Variants in SDK2 observed in about 807,000 individuals in gnomAD.
The protein encoded by SDK2 is protein sidekick-2.
A neutral mutation model predicts 253.9 loss-of-function variants in SDK2; 105 were observed. That is an observed-to-expected ratio of 0.41 (90% CI 0.35 to 0.49). The LOEUF (loss-of-function observed/expected upper bound fraction) is 0.49. Among genes scored for constraint, SDK2 ranks in the 20% least tolerant of loss-of-function variants. SDK2 has a pLI of 0.06. For synonymous variants in SDK2, 1,249 were observed against 1,234.9 expected (o/e 1.01, Z -0.24); for missense variants, 2,608 against 3,003.0 (o/e 0.87, Z 3.07).
At position 73,618,115 on chromosome 17, in the gene SDK2, A is replaced by G. The variant is rs576193511; in HGVS notation, c.64+25910T>C. 2.2e-4 allele frequency among the ~76,000 whole-genome samples: 34 copies of G among 152,304 alleles called. No individual in the cohort carries two copies. Among genetic ancestry groups the G allele is most frequent in the African/African-American group, 6.0e-4 (25 of 41,558 alleles). On this transcript the variant is annotated intron_variant, in intron 1 of 44. Coordinates refer to ENST00000392650, the MANE Select transcript of SDK2 (RefSeq NM_001144952.2). The surrounding 1 kb of genome is among the most constrained non-coding windows in gnomAD (Gnocchi z 4.1). ...GAGGTGCTTAATTTAATACCAGGCAAATGCAAGAGACCTTGAACCAATAGA... is the reference window on the plus strand; with the variant it reads ...GAGGTGCTTAATTTAATACCAGGCAGATGCAAGAGACCTTGAACCAATAGA...
chr17:73,365,145 G>T, intron 38 of SDK2, 113 bp downstream of exon 38: 1 of 739,100 alleles, frequency 1.4e-6, no homozygotes. Flanking sequence ...TTTATAAGAT[G>T]GGGAGACTCT....
intron 12 of SDK2, among the ~76,000 whole-genome samples, chr17:73,429,627 G>A (rs537372097): frequency 3.3e-5 from 5 of 152,364 alleles, no homozygotes; most frequent in Non-Finnish European, 7.3e-5. Context: ...GTGCAGGAGC[G>A]CCGGCCCCTT....
chr17:73,514,271 C>T (rs947249983), intron 1 of SDK2, among the ~76,000 whole-genome samples: 5 of 152,108 alleles, frequency 3.3e-5, no homozygotes, highest in Non-Finnish European at 5.9e-5. Flanking sequence ...GAGGCCTCAG[C>T]CCGGGGCTTC....
At position 73,609,172 on chromosome 17, in the gene SDK2, T is replaced by C. The variant is rs2045944317; in HGVS notation, c.64+34853A>G. Among the ~76,000 whole-genome samples, 1 of 151,848 alleles carries C rather than the reference T, an allele frequency of 6.6e-6. No homozygotes were observed. Among genetic ancestry groups the C allele is most frequent in the Admixed American group, 6.6e-5 (1 of 15,248 alleles). ...TGTGTGTTCAGTTGGGATGACTTGG[T>C]CATCAAAGTGAATGCAGTGTTGGAG... On this transcript the variant is annotated intron_variant, in intron 1 of 44. Coordinates refer to ENST00000392650, the MANE Select transcript of SDK2 (RefSeq NM_001144952.2). This position sits in a 1 kb window ranked among gnomAD's most constrained non-coding sequence, Gnocchi z 4.4.
chr17:73,622,367 C>T (rs907261187), intron 1 of SDK2, among the ~76,000 whole-genome samples: 3 of 152,220 alleles, frequency 2.0e-5, no homozygotes, highest in African/African-American at 4.8e-5. Context: ...TCCCCAAGCC[C>T]GATGCAGAGG....
Position 73,431,479 on chromosome 17 carries a change from G to T in SDK2, c.1480+23C>A. ...ACACACGCACACACAAATGTATAAA[G>T]CCCTGTGGCTCTGCACACTCACCCC... On this transcript the variant is annotated intron_variant, in intron 11 of 44. Transcript: ENST00000392650. This position sits in a 1 kb window ranked among gnomAD's most constrained non-coding sequence, Gnocchi z 5.6. 1 of 1,601,920 alleles carries T rather than the reference G, an allele frequency of 6.2e-7. No individual in the cohort carries two copies.
chr17:73,480,011 T>A (rs1324400488), intron 2 of SDK2, among the ~76,000 whole-genome samples: 1 of 152,216 alleles, frequency 6.6e-6, no homozygotes, highest in Non-Finnish European at 1.5e-5. Context: ...ATTTTCTTTA[T>A]CATCACCCAG....
rs780763384 is a variant in SDK2, at chr17:73,352,553, C to T, written c.5678G>A (p.Gly1893Asp). The T allele has an allele frequency of 2.2e-5, 35 of 1,613,954 alleles. No homozygotes were observed. Among genetic ancestry groups the T allele is most frequent in the Non-Finnish European group, 2.8e-5 (33 of 1,179,916 alleles). The change falls in exon 41 of 45, where the codon GGC (glycine) becomes GAC (aspartate). Residue 1893 changes from glycine to aspartate, a missense_variant. This residue lies in a region of SDK2 where 1,103 missense variants were observed against 1,143.9 expected (regional missense o/e 0.96). Transcript: ENST00000392650. This position sits in a 1 kb window ranked among gnomAD's most constrained non-coding sequence, Gnocchi z 4.1. ...GATGACCCGGAAGTCATAGCTCACG[C>T]CCGGCTTCAGGATGTCCATGCTGAA... ...YTFSMDILKP[G>D]VSYDFRVIAV...
intron 1 of SDK2, among the ~76,000 whole-genome samples, chr17:73,547,280 G>A (rs779401026): frequency 6.6e-6 from 1 of 152,240 alleles, no homozygotes; most frequent in Non-Finnish European, 1.5e-5. Flanking sequence ...GATGGGAGAG[G>A]GGAGCCTAAA....
intron 1 of SDK2, among the ~76,000 whole-genome samples, chr17:73,566,132 G>A (rs967837829): frequency 6.6e-6 from 1 of 152,254 alleles, no homozygotes; most frequent in Non-Finnish European, 1.5e-5. Context: ...AGAGCTGGTT[G>A]TTTAAAAGAG....
At chr17:73,625,707 C>T (rs2046192691) in intron 1 of SDK2, among the ~76,000 whole-genome samples, 1 of 152,036 alleles carries the variant, frequency 6.6e-6, no homozygotes, top group African/African-American at 2.4e-5. Flanking sequence ...TGCAGTGGTG[C>T]AATCTCGGCT....
At position 73,379,843 on chromosome 17, in the gene SDK2, C is replaced by T. The variant is rs1424808992; in HGVS notation, c.4763-294G>A. Among the ~76,000 whole-genome samples, 1 of 152,016 alleles carries T rather than the reference C, an allele frequency of 6.6e-6. No homozygotes were observed. The highest frequency in any genetic ancestry group is 1.5e-5 in the Non-Finnish European group (1 of 67,996). On this transcript the variant is annotated intron_variant, in intron 34 of 44. Transcript: ENST00000392650. This position sits in a 1 kb window ranked among gnomAD's most constrained non-coding sequence, Gnocchi z 4.5. Reference sequence around the variant, plus strand: ...ACCACTATGAATATTTACACCGGGACAACCAGTGTAAACCAAAGCTGTCCT... The same window carrying T: ...ACCACTATGAATATTTACACCGGGATAACCAGTGTAAACCAAAGCTGTCCT...
At chr17:73,421,105 T>G (rs1363621118) in intron 15 of SDK2, among the ~76,000 whole-genome samples, 5 of 152,238 alleles carry the variant, frequency 3.3e-5, no homozygotes, top group African/African-American at 1.2e-4. Flanking sequence ...TTGTTGGGAT[T>G]GTGTATCTCC....
chr17:73,500,672 A>ATCCATCCTCCCTCCATTCTCC (rs2063883484), intron 2 of SDK2, among the ~76,000 whole-genome samples: 4 of 78,422 alleles, frequency 5.1e-5, no homozygotes, highest in African/African-American at 2.1e-4. Context: ...CATCTCCTCC[A>ATCCATCCTCCCTCCATTCTCC]TCCATCCTCC....
Position 73,383,948 on chromosome 17 carries a change from G to C in SDK2, c.4633C>G (p.Leu1545Val), listed in dbSNP as rs2270716. The change falls in exon 33 of 45, where the codon CTC becomes GTC. Residue 1545 changes from leucine (L) to valine (V), a missense_variant. Leu to Val is a conservative substitution (Grantham distance 32). Coordinates refer to ENST00000392650, the MANE Select transcript of SDK2 (RefSeq NM_001144952.2). The surrounding 1 kb of genome is among the most constrained non-coding windows in gnomAD (Gnocchi z 4.3). The stretch of plus-strand genomic sequence containing the variant: ...GTGAAGCCCCTCAGTCCTTCATAGA[G>C]CAGCTCCCGGTATCGGATCCGGAAG... ...LGFRIRYREL[L>V]YEGLRGFTLR... 73,800 of 1,613,756 alleles carry C rather than the reference G, an allele frequency of 0.046. 2,321 individuals carry two copies. The highest frequency in any genetic ancestry group is 0.13 in the East Asian group (5,654 of 44,830).
intron 36 of SDK2, among the ~76,000 whole-genome samples, chr17:73,371,810 A>G (rs972977730): frequency 1.3e-5 from 2 of 152,048 alleles, no homozygotes; most frequent in African/African-American, 4.8e-5. Flanking sequence ...AAATACAAAA[A>G]TTAGCCGGGC....
intron 1 of SDK2, among the ~76,000 whole-genome samples, chr17:73,625,061 G>A (rs1268427105): frequency 2.6e-5 from 4 of 152,162 alleles, no homozygotes; most frequent in African/African-American, 7.2e-5. Context: ...GTAGCTTGCC[G>A]AGGTCCCATA....
intron 4 of SDK2, among the ~76,000 whole-genome samples, chr17:73,448,285 G>A (rs996215991): frequency 2.6e-5 from 4 of 152,174 alleles, no homozygotes; most frequent in African/African-American, 9.7e-5. Context: ...CAGGATTGAT[G>A]GACTCAAAGG....
At chr17:73,387,377 G>T (rs538686487) in intron 30 of SDK2, among the ~76,000 whole-genome samples, 1 of 152,270 alleles carries the variant, frequency 6.6e-6, no homozygotes, top group East Asian at 1.9e-4. Context: ...TAGATTTATG[G>T]GGGGTGGGAG....
Sources: allele counts gnomAD v4.1 joint callset (sites outside exome capture counted in the v4.1 genomes callset), GRCh38; gene constraint gnomAD v4.1.1; regional missense constraint gnomAD v4.1.1; non-coding constraint Gnocchi (gnomAD v3.1); transcripts MANE v1.5; gene names NCBI Gene and HGNC (gene_info 2026-07-23, HGNC 2026-07-21).